Variants in GREP1 observed in about 807,000 individuals in gnomAD.
GREP1 encodes glycine-rich extracellular protein 1.
chr16:2,995,778 C>T lies in GREP1; in HGVS notation c.622+7C>T. 1 of 398,670 alleles carries T rather than the reference C, an allele frequency of 2.5e-6. No homozygotes were observed. The highest frequency in any genetic ancestry group is 4.4e-6 in the Non-Finnish European group (1 of 226,130). 24.7% of individuals were successfully genotyped at this position (398,670 alleles called of 1,614,324 possible). A position where few individuals can be genotyped will look rare whatever the true frequency, so the allele number is the denominator to read the frequency against. ...GTGAAGCCTCTGAAGCCAGGTGAGCCCCGCCCGCCCTGGTCTGCCTCTCTA... is the reference window on the plus strand; with the variant it reads ...GTGAAGCCTCTGAAGCCAGGTGAGCTCCGCCCGCCCTGGTCTGCCTCTCTA... On this transcript the variant is annotated splice_region_variant and intron_variant, in intron 17 of 34. Transcript: ENST00000573315.
chr16:2,999,291 C>T lies in GREP1; in HGVS notation c.1180C>T (p.Gln394Ter), dbSNP rs1002869980. Reference sequence around the variant, plus strand: ...AGCCATCCAGTGGGGACTGAAACCTCAGAAAGCAGGTGTGAGTCTGTCTGC... The same window carrying T: ...AGCCATCCAGTGGGGACTGAAACCTTAGAAAGCAGGTGTGAGTCTGTCTGC... The change falls in exon 27 of 35, where the codon CAG becomes TAG. Residue 394 changes from glutamine (Q) to a stop codon, truncating the protein, a stop_gained. Coordinates refer to ENST00000573315, the Ensembl canonical transcript of GREP1. LOFTEE classifies it high-confidence loss of function. The T allele has an allele frequency of 1.3e-5, 5 of 398,732 alleles. No individual in the cohort carries two copies. The highest frequency in any genetic ancestry group is 4.1e-5 in the African/African-American group (2 of 48,626). The allele number at this position is 398,732 out of a possible 1,614,324, so 24.7% of individuals were successfully genotyped here.
At chr16:3,000,624 A>T in intron 32 of GREP1, 90 bp from the exon 27 acceptor site, 1 of 398,844 alleles carries the variant, frequency 2.5e-6, no homozygotes, top group East Asian at 3.6e-5. Flanking sequence ...GTAAGAAATG[A>T]GCCTTCTGGG....
chr16:3,000,175 C>G (rs1226491516), intron 29 of GREP1, 57 bp downstream of exon 26: 8 of 399,154 alleles, frequency 2.0e-5, no homozygotes, highest in Admixed American at 4.4e-5. Flanking sequence ...CTCCCTCATG[C>G]CTGAGTCAGT....
chr16:2,990,364 T>C (rs1364553833), intron 5 of GREP1, 188 bp from the exon 6 acceptor site: 7 of 398,724 alleles, frequency 1.8e-5, no homozygotes, highest in Non-Finnish European at 2.7e-5. Context: ...CAGGTAGAGA[T>C]GGGAGTGGGG....
intron 20 of GREP1, 129 bp from the exon 20 acceptor site, chr16:2,996,924 G>A (rs377170153): frequency 3.4e-4 from 134 of 399,238 alleles, no homozygotes; most frequent in African/African-American, 2.2e-3. Context: ...GCCTTACCAC[G>A]TTCCCTTTTT....
chr16:2,997,768 G>A (rs969696056), intron 22 of GREP1, 35 bp from the exon 21 acceptor site: 40 of 398,470 alleles, frequency 1.0e-4, no homozygotes, highest in African/African-American at 7.6e-4. Context: ...AGTGAGGAGT[G>A]GGCATGGGTC....
exon 28 of GREP1, chr16:2,999,902 G>A (rs773728820): frequency 5.0e-5 from 20 of 398,956 alleles, no homozygotes; most frequent in Non-Finnish European, 7.5e-5. Context: ...CTCCTCACAG[G>A]GCACCAGCCT....
At chr16:2,988,847 G>A (rs539625547) in intron 2 of GREP1, 93 of 393,566 alleles carry the variant, frequency 2.4e-4, no homozygotes, top group African/African-American at 1.5e-3. Flanking sequence ...CCCTGAGGAC[G>A]GGCCTGGGCA....
chr16:2,988,289 G>C, exon 1 of GREP1: 1 of 399,258 alleles, frequency 2.5e-6, no homozygotes, highest in Non-Finnish European at 4.4e-6. Flanking sequence ...GGGCGCCTGG[G>C]CCTTCCCCGC....
exon 30 of GREP1, chr16:3,000,292 G>T (rs1038193023): frequency 3.8e-5 from 15 of 399,340 alleles, no homozygotes; most frequent in Middle Eastern, 1.3e-3. Context: ...TGTCCTGCAG[G>T]TTTAGGTTAT....
chr16:2,994,698 G>A (rs2072415656), exon 11 of GREP1: 1 of 398,866 alleles, frequency 2.5e-6, no homozygotes, highest in Non-Finnish European at 4.4e-6. Flanking sequence ...TCCTCCACAG[G>A]CCCCACCACT....
rs918969238 is a variant in GREP1 at position 2,997,282 on chromosome 16, G to C, written c.887-107G>C. 4 of 398,640 alleles carry C rather than the reference G, an allele frequency of 1.0e-5. No homozygotes were observed. The Middle Eastern group carries it at 1.9e-3, about 188-fold the overall frequency. The allele number at this position is 398,640 out of a possible 1,614,324, so 24.7% of individuals were successfully genotyped here. On this transcript the variant is annotated intron_variant, in intron 21 of 34. Transcript: ENST00000573315. ...ACCAAAATGAGGGAGGAGAGGTGGC[G>C]CCAGGATCCCTGGTTTCTGACTTGG...
rs533972091 is a variant in GREP1, at chr16:2,992,684, C to G, written c.323-121C>G. On this transcript the variant is annotated intron_variant, in intron 8 of 34. Coordinates refer to ENST00000573315, the Ensembl canonical transcript of GREP1. The surrounding 1 kb of genome is among the most constrained non-coding windows in gnomAD (Gnocchi z 4.9). ...GCAGTCAGGCCTGGGAGGGAGTTCA[C>G]ACAAGACAGAAAGGCAGAGGGCAGG... is the stretch of plus-strand genomic sequence containing the variant. 2.0e-5 allele frequency: 8 copies of G among 396,068 alleles called. No individual in the cohort carries two copies. The Admixed American group carries it at 3.5e-4, about 17-fold the overall frequency. The allele number at this position is 396,068 out of a possible 1,614,324, so 24.5% of individuals were successfully genotyped here.
In GREP1 at chr16:2,989,517, C is replaced by A. The variant is rs2072387876; in HGVS notation, c.101-6C>A. 2 of 399,280 alleles carry A rather than the reference C, an allele frequency of 5.0e-6. No homozygotes were observed. Among genetic ancestry groups the A allele is most frequent in the Non-Finnish European group, 8.8e-6 (2 of 226,236 alleles). The allele number at this position is 399,280 out of a possible 1,614,324, so 24.7% of individuals were successfully genotyped here. On this transcript the variant is annotated splice_polypyrimidine_tract_variant and splice_region_variant and intron_variant, in intron 2 of 34. Coordinates refer to ENST00000573315, the Ensembl canonical transcript of GREP1. The surrounding 1 kb of genome is among the most constrained non-coding windows in gnomAD (Gnocchi z 4.2). ...CCCCGGGCTCAACATCTCACTTCTC[C>A]CACAGTCTATGGCCCCCACAGTGGC...
rs2072405075 is a variant in GREP1 at position 2,992,663 on chromosome 16, T to C, written c.323-142T>C. ...GAACCAAATCCAACTTTGACTGCAGTCAGGCCTGGGAGGGAGTTCACACAA... is the reference window on the plus strand; with the variant it reads ...GAACCAAATCCAACTTTGACTGCAGCCAGGCCTGGGAGGGAGTTCACACAA... On this transcript the variant is annotated intron_variant, in intron 8 of 34. Coordinates refer to ENST00000573315, the Ensembl canonical transcript of GREP1. This position sits in a 1 kb window ranked among gnomAD's most constrained non-coding sequence, Gnocchi z 4.9. The C allele has an allele frequency of 2.5e-6, 1 of 396,878 alleles. No individual in the cohort carries two copies. The highest frequency in any genetic ancestry group is 2.1e-5 in the African/African-American group (1 of 48,556). 24.6% of individuals were successfully genotyped at this position (396,878 alleles called of 1,614,324 possible).
At chr16:2,994,947 C>G (rs1596462186) in exon 13 of GREP1, 2 of 399,188 alleles carry the variant, frequency 5.0e-6, no homozygotes, top group Non-Finnish European at 8.8e-6. Context: ...CAGAATTGGG[C>G]TGGGAGCCCA....
intron 22 of GREP1, chr16:2,997,547 A>G: frequency 2.5e-6 from 1 of 397,956 alleles, no homozygotes; most frequent in African/African-American, 2.1e-5. Flanking sequence ...GAGTCTGGAG[A>G]GGAGGCGGCA....
intron 13 of GREP1, 76 bp downstream of exon 14, chr16:2,995,038 T>A: frequency 5.0e-6 from 2 of 398,604 alleles, no homozygotes; most frequent in Non-Finnish European, 8.8e-6. Flanking sequence ...GATTGGTGAA[T>A]GATGGAGAGG....
chr16:2,997,377 C>T (rs2151105501), intron 21 of GREP1: 2 of 398,600 alleles, frequency 5.0e-6, no homozygotes, highest in Non-Finnish European at 4.4e-6. Flanking sequence ...GCTCACCCCT[C>T]CCTCCCCACA....
Sources: gnomAD v4.1 joint callset for allele counts on GRCh38, gnomAD v4.1.1 for gene constraint, Gnocchi (gnomAD v3.1) non-coding constraint, MANE v1.5 for transcripts, NCBI Gene and HGNC (gene_info 2026-07-23, HGNC 2026-07-21) for gene names.